The following TCF7 variants were observed in gnomAD, a reference collection of about 807,000 sequenced individuals.
TCF7 encodes transcription factor 7.
A neutral mutation model predicts 46.8 loss-of-function variants in TCF7; 19 were observed. That is an observed-to-expected ratio of 0.41 (90% CI 0.28 to 0.60). TCF7 has a LOEUF of 0.60. Among genes scored for constraint, TCF7 ranks in the 20% least tolerant of loss-of-function variants. The pLI is 0.35. For missense variants in TCF7, 547 were observed against 504.6 expected, an observed-to-expected ratio of 1.08 and a Z score of -0.81; for synonymous variants, 245 against 213.4, an observed-to-expected ratio of 1.15 and a Z score of -1.29.
chr5:134,142,837 G>GCA lies in TCF7; in HGVS notation c.876_877dup (p.Leu293HisfsTer90). The GCA allele has an allele frequency of 6.2e-7, 1 of 1,614,180 alleles. No individual in the cohort carries two copies. The highest frequency in any genetic ancestry group is 8.5e-7 in the Non-Finnish European group (1 of 1,180,026). On this transcript the variant is annotated frameshift_variant, in exon 7 of 10. Coordinates refer to ENST00000342854, the MANE Select transcript of TCF7 (RefSeq NM_003202.5). LOFTEE classifies it high-confidence loss of function. ...ATGAGAGCCAAGGTCATTGCAGAGT[G>GCA]CACACTTAAGGAGAGCGCTGCCATC...
intron 3 of TCF7, 113 bp from the exon 4 acceptor site, chr5:134,137,946 G>A: frequency 1.2e-6 from 1 of 808,026 alleles, no homozygotes; most frequent in Non-Finnish European, 1.9e-6. Flanking sequence ...GCTGAGGCCT[G>A]TGGTTTTGGC....
At position 134,142,609 on chromosome 5, in the gene TCF7, A is replaced by C. The variant is rs926838401; in HGVS notation, c.756-112A>C. The C allele has an allele frequency of 4.3e-6, 6 of 1,389,806 alleles. No individual in the cohort carries two copies. The Admixed American group carries it at 1.6e-4, about 37-fold the overall frequency. The allele number at this position is 1,389,806 out of a possible 1,614,324, so 86.1% of individuals were successfully genotyped here. On this transcript the variant is annotated intron_variant, in intron 6 of 9. Coordinates refer to ENST00000342854, the MANE Select transcript of TCF7 (RefSeq NM_003202.5). ...GGCAGCTAGGAAAGATTCCACTTAGAAAACTCTGGTATCATACACTTAGGC... is the reference window on the plus strand; with the variant it reads ...GGCAGCTAGGAAAGATTCCACTTAGCAAACTCTGGTATCATACACTTAGGC...
At chr5:134,143,485 G>A (rs903419450) in intron 8 of TCF7, 107 bp from the exon 9 acceptor site, 107 of 1,325,562 alleles carry the variant, frequency 8.1e-5, no homozygotes, top group Non-Finnish European at 1.1e-4. Flanking sequence ...AAGGTAGGAG[G>A]GGCCTGTACG....
intron 3 of TCF7, among the ~76,000 whole-genome samples, chr5:134,116,874 C>T (rs964947134): frequency 1.6e-4 from 24 of 152,200 alleles, no homozygotes; most frequent in Admixed American, 1.2e-3. Context: ...GGTGAAGGTA[C>T]GTGGAAGGTT....
chr5:134,116,946 AGGCTG>A (rs771253440), intron 3 of TCF7, among the ~76,000 whole-genome samples: 14 of 152,228 alleles, frequency 9.2e-5, no homozygotes, highest in Non-Finnish European at 1.8e-4. Context: ...TGGGGCTGGC[AGGCTG>A]GAGGCTCGCA....
At chr5:134,111,065 G>A (rs1561638190), upstream of TCF7, among the ~76,000 whole-genome samples, 2 of 152,128 alleles carry the variant, frequency 1.3e-5, no homozygotes, top group African/African-American at 2.4e-5. Flanking sequence ...GGTTCATCTC[G>A]ACTGCACTCC....
intron 3 of TCF7, among the ~76,000 whole-genome samples, chr5:134,122,102 G>A (rs536764682): frequency 8.4e-4 from 128 of 152,266 alleles, no homozygotes; most frequent in African/African-American, 2.8e-3. Flanking sequence ...CTTCCAAGGT[G>A]GGACTTTGAG....
chr5:134,142,628 C>A, intron 6 of TCF7, 93 bp from the exon 7 acceptor site: 1 of 1,500,862 alleles, frequency 6.7e-7, no homozygotes, highest in Non-Finnish European at 9.0e-7. Flanking sequence ...GTATCATACA[C>A]TTAGGCACAC....
chr5:134,111,782 G>A (rs542752891), upstream of TCF7, among the ~76,000 whole-genome samples: 16 of 152,280 alleles, frequency 1.1e-4, no homozygotes, highest in East Asian at 3.1e-3. Context: ...TTTTATAATG[G>A]AACACTAGAG....
In TCF7 at chr5:134,142,189, A is replaced by G. The variant is rs1449618940; in HGVS notation, c.640A>G (p.Thr214Ala). Reference protein sequence around the residue: ...GQLPHTVSWFTHPSLMLGSGV... With the variant: ...GQLPHTVSWFAHPSLMLGSGV... ...TAACTTTCTTCCTGCCTCCAGGTTCACCCACCCATCCTTGATGCTAGGTTC... is the reference window on the plus strand; with the variant it reads ...TAACTTTCTTCCTGCCTCCAGGTTCGCCCACCCATCCTTGATGCTAGGTTC... Residue 214 changes from threonine (T) to alanine (A), a missense_variant, in exon 6 of 10, where the codon ACC (threonine) becomes GCC (alanine). This residue lies in a region of TCF7 where 425 missense variants were observed against 349.9 expected (regional missense o/e 1.21). Transcript: ENST00000342854. 6.2e-7 allele frequency: 1 copy of G among 1,613,840 alleles called. No individual in the cohort carries two copies. The highest frequency in any genetic ancestry group is 8.5e-7 in the Non-Finnish European group (1 of 1,179,856).
intron 5 of TCF7, chr5:134,140,947 A>AC (rs1759655517): frequency 1.2e-5 from 4 of 347,476 alleles, no homozygotes; most frequent in South Asian, 8.3e-5. Flanking sequence ...TTCAGAGCCC[A>AC]CACAAGGCCA....
intron 5 of TCF7, chr5:134,140,879 C>A: frequency 2.3e-6 from 1 of 437,116 alleles, no homozygotes. Flanking sequence ...CCTGGCGCCC[C>A]CTACCCCAGG....
intron 3 of TCF7, among the ~76,000 whole-genome samples, chr5:134,137,534 G>A (rs1759075091): frequency 1.3e-5 from 2 of 152,140 alleles, no homozygotes; most frequent in Admixed American, 6.5e-5. Context: ...GAGGAAGCCA[G>A]GCCCCATCTC....
At position 134,146,573 on chromosome 5, in the gene TCF7, G is replaced by A; in HGVS notation, c.*270G>A. On this transcript the variant is annotated 3_prime_UTR_variant, in exon 10 of 10. Coordinates refer to ENST00000342854, the MANE Select transcript of TCF7 (RefSeq NM_003202.5). ...AGGAGCCTACCCCCTGAAAGTGACA[G>A]AGACCCAGATCTCATGGAAACTGGC... The A allele has an allele frequency of 2.8e-6, 2 of 706,420 alleles. No individual in the cohort carries two copies. Among genetic ancestry groups the A allele is most frequent in the Non-Finnish European group, 2.6e-6 (1 of 382,310 alleles). 43.8% of individuals were successfully genotyped at this position (706,420 alleles called of 1,614,324 possible).
intron 3 of TCF7, among the ~76,000 whole-genome samples, chr5:134,120,653 C>G (rs1310212336): frequency 6.6e-6 from 1 of 152,216 alleles, no homozygotes; most frequent in Non-Finnish European, 1.5e-5. Context: ...ACTCAGGGCT[C>G]AATTCAGATG....
the TCF7 span, among the ~76,000 whole-genome samples, chr5:134,109,330 T>C: frequency 6.6e-6 from 1 of 152,218 alleles, no homozygotes; most frequent in African/African-American, 2.4e-5. Context: ...TAGGATTTAG[T>C]GCAGGCGTAT....
chr5:134,108,959 G>C, the TCF7 span, among the ~76,000 whole-genome samples: 146 of 152,294 alleles, frequency 9.6e-4, 1 homozygote, highest in Non-Finnish European at 1.3e-3. Flanking sequence ...CTCCCTAACT[G>C]CCATGTTGTG....
chr5:134,121,420 C>T (rs763318180), intron 3 of TCF7, among the ~76,000 whole-genome samples: 14 of 151,904 alleles, frequency 9.2e-5, no homozygotes, highest in Non-Finnish European at 2.1e-4. Flanking sequence ...CGGGTCTCTA[C>T]TAAAAATACA....
At chr5:134,129,088 A>G (rs1757741974) in intron 3 of TCF7, among the ~76,000 whole-genome samples, 1 of 152,222 alleles carries the variant, frequency 6.6e-6, no homozygotes, top group Admixed American at 6.5e-5. Context: ...ATCCAGATCC[A>G]TCACTGCTTG....
Sources: allele counts gnomAD v4.1 joint callset (sites outside exome capture counted in the v4.1 genomes callset), GRCh38; gene constraint gnomAD v4.1.1; regional missense constraint gnomAD v4.1.1; transcripts MANE v1.5; gene names NCBI Gene and HGNC (gene_info 2026-07-23, HGNC 2026-07-21).